The following SNAP23 variants were observed in gnomAD, a reference collection of about 807,000 sequenced individuals.
The protein encoded by SNAP23 is synaptosome associated protein 23.
A neutral mutation model predicts 29.0 loss-of-function variants in SNAP23; 11 were observed. The ratio of observed to expected loss-of-function variants is 0.38; its 90% CI spans 0.24 to 0.63. SNAP23 has a LOEUF of 0.63. SNAP23 is among the 20% of genes least tolerant of loss of function. SNAP23 has a pLI of 0.58. For synonymous variants in SNAP23, 60 were observed against 82.9 expected, an observed-to-expected ratio of 0.72 and a Z score of 1.50; for missense variants, 220 against 253.9, an observed-to-expected ratio of 0.87 and a Z score of 0.91.
intron 4 of SNAP23, among the ~76,000 whole-genome samples, chr15:42,513,790 G>C (rs1171567275): frequency 6.6e-6 from 1 of 151,650 alleles, no homozygotes; most frequent in African/African-American, 2.4e-5. Context: ...TTTTGGGGTG[G>C]GGGACGGAGT....
At chr15:42,495,301 C>T (rs1248836030), upstream of SNAP23, 1 of 152,208 alleles carries the variant, frequency 6.6e-6, no homozygotes, top group East Asian at 1.9e-4. Flanking sequence ...TGTATTCTAT[C>T]CACTATAATT....
At chr15:42,529,968 T>C in intron 7 of SNAP23, 149 bp downstream of exon 7, 1 of 811,546 alleles carries the variant, frequency 1.2e-6, no homozygotes, top group Non-Finnish European at 1.9e-6. Flanking sequence ...TTCTAACACA[T>C]AAAACAAGAG....
chr15:42,531,641 G>A lies in SNAP23; in HGVS notation c.*163G>A. Reference sequence around the variant, plus strand: ...CAGCCCTCCTTCTTTTTTGTTTTCTGTTGAGGGCCGACTGCTGCTCTGCCT... The same window carrying A: ...CAGCCCTCCTTCTTTTTTGTTTTCTATTGAGGGCCGACTGCTGCTCTGCCT... On this transcript the variant is annotated 3_prime_UTR_variant, in exon 8 of 8. Coordinates refer to ENST00000249647, the MANE Select transcript of SNAP23 (RefSeq NM_003825.4). 2 of 488,004 alleles carry A rather than the reference G, an allele frequency of 4.1e-6. No individual in the cohort carries two copies. Among genetic ancestry groups the A allele is most frequent in the East Asian group, 3.3e-5 (1 of 30,180 alleles). The allele number at this position is 488,004 out of a possible 1,614,324, so 30.2% of individuals were successfully genotyped here.
intron 1 of SNAP23, among the ~76,000 whole-genome samples, chr15:42,502,059 G>A (rs1452634355): frequency 2.2e-5 from 3 of 138,084 alleles, no homozygotes; most frequent in Non-Finnish European, 3.0e-5. Flanking sequence ...ACGGAGTCTC[G>A]CTCTGTCGCC....
chr15:42,492,677 A>G (rs2057180553), upstream of SNAP23: 1 of 7,356 alleles, frequency 1.4e-4, no homozygotes, highest in Non-Finnish European at 3.5e-4. Flanking sequence ...ACTGCGTCTC[A>G]AAAAAAAAAA....
At chr15:42,529,942 T>C in intron 7 of SNAP23, 123 bp downstream of exon 7, 1 of 1,016,580 alleles carries the variant, frequency 9.8e-7, no homozygotes, top group East Asian at 2.5e-5. Flanking sequence ...AGGTCTTAAT[T>C]CTGATGAGGT....
intron 1 of SNAP23, among the ~76,000 whole-genome samples, chr15:42,499,881 T>A (rs2057253728): frequency 6.6e-6 from 1 of 152,200 alleles, no homozygotes; most frequent in Admixed American, 6.6e-5. Context: ...CGGTGGTTCA[T>A]GCCTGTAATT....
At chr15:42,526,837 GA>G (rs370358909) in intron 5 of SNAP23, among the ~76,000 whole-genome samples, 2,397 of 146,954 alleles carry the variant, frequency 0.016, 64 homozygotes, top group African/African-American at 0.058. Context: ...TTAGACTTAT[GA>G]TTTTTTTTTT....
Position 42,513,444 on chromosome 15 carries a change from A to G in SNAP23, c.145A>G (p.Lys49Glu). 1 of 1,612,552 alleles carries G rather than the reference A, an allele frequency of 6.2e-7. No homozygotes were observed. The highest frequency in any genetic ancestry group is 8.5e-7 in the Non-Finnish European group (1 of 1,178,572). Residue 49 changes from lysine (K) to glutamate (E), a missense_variant, in exon 4 of 8, where the codon AAG becomes GAG. Coordinates refer to ENST00000249647, the MANE Select transcript of SNAP23 (RefSeq NM_003825.4). ...IKTITMLDEQ[K>E]EQLNRIEEGL... is the part of the protein sequence containing the mutation. ...GACCATCACTATGCTGGATGAACAA[A>G]AGGGTAAGTTAAATTATTAGCAGAA...
intron 5 of SNAP23, 40 bp from the exon 6 acceptor site, chr15:42,528,221 CT>C (rs753631592): frequency 4.9e-5 from 76 of 1,550,034 alleles, no homozygotes; most frequent in South Asian, 6.8e-5. Context: ...TCTCCGTCTT[CT>C]TTTTTTTGGT....
intron 7 of SNAP23, 61 bp downstream of exon 7, chr15:42,529,880 C>A (rs114647965): frequency 1.3e-6 from 2 of 1,560,872 alleles, no homozygotes; most frequent in African/African-American, 1.4e-5. Context: ...CAGTAATAGA[C>A]ATCTGTGCTA....
intron 5 of SNAP23, among the ~76,000 whole-genome samples, chr15:42,517,446 G>A (rs1283737946): frequency 4.6e-5 from 7 of 152,188 alleles, no homozygotes; most frequent in Admixed American, 4.6e-4. Flanking sequence ...GGAGAAAGAA[G>A]TCTCCCCTAA....
chr15:42,503,523 C>T (rs1268723955), intron 1 of SNAP23, among the ~76,000 whole-genome samples: 1 of 152,170 alleles, frequency 6.6e-6, no homozygotes, highest in East Asian at 1.9e-4. Context: ...GCACATGCCA[C>T]CACGCCCAGC....
chr15:42,521,785 G>A (rs2057451787), intron 5 of SNAP23: 1 of 546,222 alleles, frequency 1.8e-6, no homozygotes, highest in Non-Finnish European at 3.3e-6. Context: ...ACTGTGTGGT[G>A]GTGTGTAGTG....
At chr15:42,519,357 G>GTTTCT (rs532450362) in intron 5 of SNAP23, among the ~76,000 whole-genome samples, 2 of 145,536 alleles carry the variant, frequency 1.4e-5, no homozygotes, top group Non-Finnish European at 1.5e-5. Context: ...GCCTGACCCT[G>GTTTCT]TTTCTTTTCT....
chr15:42,491,305 C>A (rs1374701445), upstream of SNAP23: 1 of 152,368 alleles, frequency 6.6e-6, no homozygotes, highest in Non-Finnish European at 1.5e-5. Flanking sequence ...AGTCAGTACG[C>A]AGCGTTGGAC....
At chr15:42,491,558 T>C (rs1567038962), upstream of SNAP23, 1 of 152,240 alleles carries the variant, frequency 6.6e-6, no homozygotes, top group Non-Finnish European at 1.5e-5. Flanking sequence ...CTACGAATAA[T>C]TTGTGACTTT....
intron 5 of SNAP23, 124 bp from the exon 6 acceptor site, chr15:42,528,138 C>CGGTGGT: frequency 1.7e-6 from 1 of 576,108 alleles, no homozygotes; most frequent in Non-Finnish European, 2.9e-6. Flanking sequence ...ATCATCTAGA[C>CGGTGGT]TTAGCTGTAT....
rs1298514823 is a variant in SNAP23 at position 42,497,026 on chromosome 15, CCTTT to C, written c.-15+1330_-15+1333del. 8.7e-5 allele frequency among the ~76,000 whole-genome samples: 13 copies of C among 150,196 alleles called. 1 individual carries two copies. The highest frequency in any genetic ancestry group is 2.0e-4 in the Admixed American group (3 of 14,998). On this transcript the variant is annotated intron_variant, in intron 1 of 7. Coordinates refer to ENST00000249647, the MANE Select transcript of SNAP23 (RefSeq NM_003825.4). Reference sequence around the variant, plus strand: ...AAACTGTATCATTCTGCCCCTGGCCCCTTTCTTTCTTTCTTTCTTTTTTTTTTTT... The same window carrying C: ...AAACTGTATCATTCTGCCCCTGGCCCCTTTCTTTCTTTCTTTTTTTTTTTT...
Sources: allele counts gnomAD v4.1 joint callset (sites outside exome capture counted in the v4.1 genomes callset), GRCh38; gene constraint gnomAD v4.1.1; transcripts MANE v1.5; gene names NCBI Gene and HGNC (gene_info 2026-07-23, HGNC 2026-07-21).